The following RC3H2 variants were observed in gnomAD, a reference collection of about 807,000 sequenced individuals.
The protein encoded by RC3H2 is roquin-2.
Under a neutral mutation model 133.3 loss-of-function variants are expected in RC3H2, and 31 were observed. The observed-to-expected ratio is 0.23, with a 90% confidence interval of 0.17 to 0.31. The LOEUF (loss-of-function observed/expected upper bound fraction) is 0.31. Ranked by LOEUF, RC3H2 falls within the 10% of genes least tolerant of loss-of-function variation. The pLI, the probability that RC3H2 is intolerant of heterozygous loss-of-function variation, is 1.00. For missense variants in RC3H2, 1,175 were observed against 1,437.2 expected (o/e 0.82, Z 2.95); for synonymous variants, 517 against 502.2 (o/e 1.03, Z -0.40).
chr9:122,865,115 G>A (rs1830589273), intron 10 of RC3H2, among the ~76,000 whole-genome samples: 1 of 152,070 alleles, frequency 6.6e-6, no homozygotes, highest in African/African-American at 2.4e-5. Flanking sequence ...GGAGAGTTGA[G>A]GAAAACAAAA....
intron 13 of RC3H2, 125 bp from the exon 14 acceptor site, chr9:122,856,003 A>C (rs971830951): frequency 7.6e-6 from 5 of 657,332 alleles, no homozygotes; most frequent in African/African-American, 1.8e-5. Flanking sequence ...CTTTTTCAAT[A>C]ACTAATATAA....
rs138023866 is a variant in RC3H2, at chr9:122,891,454, T to C, written c.350-909A>G. ...CAATTGATCTGTTCACTACTTCCAATTCCTTGTTTCACAATCTCTGAAACC... is the reference window on the plus strand; with the variant it reads ...CAATTGATCTGTTCACTACTTCCAACTCCTTGTTTCACAATCTCTGAAACC... On this transcript the variant is annotated intron_variant, in intron 3 of 20. Coordinates refer to ENST00000357244, the MANE Select transcript of RC3H2 (RefSeq NM_001100588.3). Among the ~76,000 whole-genome samples the C allele has an allele frequency of 2.6e-3, 393 of 152,322 alleles. 1 individual carries two copies. The highest frequency in any genetic ancestry group is 9.1e-3 in the African/African-American group (380 of 41,568).
intron 10 of RC3H2, among the ~76,000 whole-genome samples, chr9:122,862,387 C>T (rs1830489724): frequency 2.0e-5 from 3 of 152,200 alleles, no homozygotes; most frequent in Admixed American, 2.0e-4. Context: ...TCCATGGCAG[C>T]TTCTCTCACA....
rs1288244857 is a variant in RC3H2 at position 122,865,555 on chromosome 9, G to T, written c.1428C>A (p.Val476=). 1.9e-6 allele frequency: 3 copies of T among 1,614,140 alleles called. No homozygotes were observed. The highest frequency in any genetic ancestry group is 2.5e-6 in the Non-Finnish European group (3 of 1,180,008). Residue 476 remains valine (V), a synonymous_variant, in exon 10 of 21, where the codon GTC becomes GTA. Transcript: ENST00000357244. ...TTTCAGTACTTCCTATGACAGAAAT[G>T]ACATTTCCGGCTGTGGTTGTGACAG... The part of the protein sequence containing the change: ...NNTVTTTAGN[V]ISVIGSTETT...
Position 122,862,540 on chromosome 9 carries a change from CCTGTGTTCCAATAACAACTGGAACAA to C in RC3H2, c.1635-2435_1635-2410del, listed in dbSNP as rs570087371. On this transcript the variant is annotated intron_variant, in intron 10 of 20. Coordinates refer to ENST00000357244, the MANE Select transcript of RC3H2 (RefSeq NM_001100588.3). ...TACCTCTCATAGAATTATTCTTTTT[CCTGTGTTCCAATAACAACTGGAACAA>C]CTGTGTTCCAATAAAAATTTAGATT... is the stretch of plus-strand genomic sequence containing the variant. 5.0e-3 allele frequency among the ~76,000 whole-genome samples: 766 copies of C among 152,270 alleles called. 4 individuals are homozygous for C. The highest frequency in any genetic ancestry group is 0.017 in the African/African-American group (727 of 41,552).
chr9:122,883,055 T>A (rs1831722091), intron 5 of RC3H2, 149 bp downstream of exon 5: 3 of 652,376 alleles, frequency 4.6e-6, no homozygotes, highest in Non-Finnish European at 7.6e-6. Context: ...AAAGGTGGTA[T>A]CACAGATGCA....
chr9:122,854,678 G>T, intron 15 of RC3H2, 63 bp from the exon 16 acceptor site: 1 of 1,035,470 alleles, frequency 9.7e-7, no homozygotes, highest in Non-Finnish European at 1.5e-6. Context: ...TGAGGTGAAT[G>T]TATACTTCTC....
intron 9 of RC3H2, 78 bp from the exon 10 acceptor site, chr9:122,865,735 G>A: frequency 4.9e-6 from 6 of 1,220,244 alleles, no homozygotes; most frequent in Middle Eastern, 2.8e-4. Context: ...ATGGGCAATG[G>A]GAATAGATTG....
At chr9:122,869,253 G>A (rs1830945264) in intron 9 of RC3H2, among the ~76,000 whole-genome samples, 1 of 151,974 alleles carries the variant, frequency 6.6e-6, no homozygotes, top group Non-Finnish European at 1.5e-5. Context: ...CGAACAGAAA[G>A]AAGACTATAC....
At chr9:122,868,837 ATATGTGTGTGTGTGTG>A (rs1330785212) in intron 9 of RC3H2, among the ~76,000 whole-genome samples, 26 of 122,934 alleles carry the variant, frequency 2.1e-4, no homozygotes, top group East Asian at 1.8e-3. Flanking sequence ...ATTCCCTCCT[ATATGTGTGTGTGTGTG>A]TGTGTGTGTG....
Position 122,857,904 on chromosome 9 carries a change from T to G in RC3H2, c.2454+19A>C. The G allele has an allele frequency of 6.2e-7, 1 of 1,605,730 alleles. No individual in the cohort carries two copies. Among genetic ancestry groups the G allele is most frequent in the Non-Finnish European group, 8.5e-7 (1 of 1,174,298 alleles). ...TTTGACCTATCCCTGCAACATTAAGTAATTAAAACCTTTCTTACATCCGCA... is the reference window on the plus strand; with the variant it reads ...TTTGACCTATCCCTGCAACATTAAGGAATTAAAACCTTTCTTACATCCGCA... On this transcript the variant is annotated intron_variant, in intron 13 of 20. Transcript: ENST00000357244.
chr9:122,886,985 A>C (rs576617423), intron 4 of RC3H2, among the ~76,000 whole-genome samples: 1 of 152,332 alleles, frequency 6.6e-6, no homozygotes, highest in East Asian at 1.9e-4. Flanking sequence ...ATAAAAGTAG[A>C]TTTTTAAAAT....
In RC3H2 at chr9:122,861,958, T is replaced by C. The variant is rs551238437; in HGVS notation, c.1635-1827A>G. ...AAATAGAGACAACAAGGAAAATGAT[T>C]AGGATTTCCTTAAAACAATAACTAA... On this transcript the variant is annotated intron_variant, in intron 10 of 20. Coordinates refer to ENST00000357244, the MANE Select transcript of RC3H2 (RefSeq NM_001100588.3). Among the ~76,000 whole-genome samples, 14 of 152,378 alleles carry C rather than the reference T, an allele frequency of 9.2e-5. No individual in the cohort carries two copies. In the South Asian group the frequency reaches 2.7e-3, roughly 29 times the overall value.
At chr9:122,851,741 T>G (rs1394232321) in intron 18 of RC3H2, among the ~76,000 whole-genome samples, 1 of 152,156 alleles carries the variant, frequency 6.6e-6, no homozygotes, top group Non-Finnish European at 1.5e-5. Flanking sequence ...ACGAGTGATC[T>G]GCCAGCCTCG....
Position 122,890,314 on chromosome 9 carries a change from G to A in RC3H2, c.581C>T (p.Pro194Leu), listed in dbSNP as rs1180980233. Reference protein sequence around the residue: ...VRARGCQFLGPAMQEEALKLV... With the variant: ...VRARGCQFLGLAMQEEALKLV... ...GGTAAGATAGTAACCTATCTTACCT[G>A]GCCCTAAAAACTGGCATCCTCGAGC... The change falls in exon 4 of 21, where the codon CCA becomes CTA. Residue 194 changes from proline (P) to leucine (L), a missense_variant and splice_region_variant. Pro to Leu is a moderately conservative substitution (Grantham distance 98). Around this residue, in one of 8 missense-constraint regions of RC3H2, gnomAD observed 121 missense variants for 243.5 expected, o/e 0.50. Coordinates refer to ENST00000357244, the MANE Select transcript of RC3H2 (RefSeq NM_001100588.3). 1 of 1,613,324 alleles carries A rather than the reference G, an allele frequency of 6.2e-7. No individual in the cohort carries two copies. The highest frequency in any genetic ancestry group is 1.7e-5 in the Admixed American group (1 of 60,008).
intron 9 of RC3H2, among the ~76,000 whole-genome samples, chr9:122,871,308 T>A (rs1422273381): frequency 6.6e-6 from 1 of 152,142 alleles, no homozygotes; most frequent in Non-Finnish European, 1.5e-5. Flanking sequence ...ATCTTCTTTT[T>A]TTTTTTTGAG....
Position 122,855,246 on chromosome 9 carries a change from G to T in RC3H2, c.2753C>A (p.Thr918Asn), listed in dbSNP as rs1830199016. Residue 918 changes from threonine to asparagine, a missense_variant, in exon 15 of 21, where the codon ACC becomes AAC. Physicochemically the swap from Thr to Asn is moderately conservative, Grantham distance 65 (BLOSUM62 0). Around this residue, in one of 8 missense-constraint regions of RC3H2, gnomAD observed 138 missense variants for 215.0 expected, o/e 0.64. Coordinates refer to ENST00000357244, the MANE Select transcript of RC3H2 (RefSeq NM_001100588.3). ...ISRSSRTGYH[T>N]TDPVQATASQ... ...AGCAGTGGCCTGGACAGGATCTGTG[G>T]TATGGTAACCTGTACGGGAAGATCT... The T allele has an allele frequency of 6.2e-7, 1 of 1,614,172 alleles. No homozygotes were observed. Among genetic ancestry groups the T allele is most frequent in the Non-Finnish European group, 8.5e-7 (1 of 1,180,038 alleles).
rs908660536 is a variant in RC3H2 at position 122,868,134 on chromosome 9, C to T, written c.1326-2477G>A. Among the ~76,000 whole-genome samples the T allele has an allele frequency of 3.4e-3, 507 of 149,088 alleles. 1 individual carries two copies. The highest frequency in any genetic ancestry group is 0.011 in the African/African-American group (437 of 40,626). On this transcript the variant is annotated intron_variant, in intron 9 of 20. Coordinates refer to ENST00000357244, the MANE Select transcript of RC3H2 (RefSeq NM_001100588.3). Reference sequence around the variant, plus strand: ...GAGGGAGGTGGGGGTGTCAGCCCCCCGCCCGGCCAGCCGCCCTGTCGGGGA... The same window carrying T: ...GAGGGAGGTGGGGGTGTCAGCCCCCTGCCCGGCCAGCCGCCCTGTCGGGGA...
intron 4 of RC3H2, among the ~76,000 whole-genome samples, chr9:122,887,741 C>CTTTTT (rs112010654): frequency 1.4e-4 from 17 of 118,070 alleles, no homozygotes; most frequent in East Asian, 3.1e-4. Context: ...ATACTTGTAT[C>CTTTTT]TTTTTTTTTT....
Sources: allele counts gnomAD v4.1 joint callset (sites outside exome capture counted in the v4.1 genomes callset), GRCh38; gene constraint gnomAD v4.1.1; regional missense constraint gnomAD v4.1.1; transcripts MANE v1.5; gene names NCBI Gene and HGNC (gene_info 2026-07-23, HGNC 2026-07-21).